The following TJP2 variants were observed in gnomAD, a reference collection of about 807,000 sequenced individuals.
The protein encoded by TJP2 is Friedreich ataxia region gene X104 (tight junction protein ZO-2).
A neutral mutation model predicts 133.1 loss-of-function variants in TJP2; 91 were observed. The ratio of observed to expected loss-of-function variants is 0.68; its 90% CI spans 0.58 to 0.81. The LOEUF is 0.81. Ranked by LOEUF, TJP2 falls within the 40% of genes least tolerant of loss-of-function variation. TJP2 has a pLI of 0.00. For missense variants in TJP2, 1,541 were observed against 1,565.6 expected (o/e 0.98, Z 0.26); for synonymous variants, 592 against 583.4 (o/e 1.01, Z -0.21).
chr9:69,222,647 T>C (rs1221496170), intron 5 of TJP2, among the ~76,000 whole-genome samples: 1 of 152,180 alleles, frequency 6.6e-6, no homozygotes, highest in African/African-American at 2.4e-5. Context: ...TGTGTCATCA[T>C]TGGAAGAGCC....
intron 4 of TJP2, 70 bp downstream of exon 4, chr9:69,218,429 C>T (rs763034854): frequency 2.0e-5 from 23 of 1,154,148 alleles, no homozygotes; most frequent in Non-Finnish European, 2.7e-5. Flanking sequence ...AAAATTACCC[C>T]TTGCTTTTAA....
upstream of TJP2, among the ~76,000 whole-genome samples, chr9:69,173,891 G>A (rs929092595): frequency 6.6e-6 from 1 of 152,132 alleles, no homozygotes; most frequent in South Asian, 2.1e-4. Context: ...TTCCCAGAGC[G>A]CGCGCGCTCG....
intron 1 of TJP2, among the ~76,000 whole-genome samples, chr9:69,175,631 G>T (rs1300854682): frequency 6.6e-6 from 1 of 152,184 alleles, no homozygotes; most frequent in Non-Finnish European, 1.5e-5. Context: ...ACGCAGATGA[G>T]CAAGAGCGTG....
intron 1 of TJP2, among the ~76,000 whole-genome samples, chr9:69,149,464 A>C (rs1823366737): frequency 6.6e-6 from 1 of 152,186 alleles, no homozygotes; most frequent in East Asian, 1.9e-4. Flanking sequence ...CTTTGCCTAC[A>C]TTTCCTGCTG....
chr9:69,251,667 G>C (rs1395611295), intron 21 of TJP2, among the ~76,000 whole-genome samples: 1 of 152,216 alleles, frequency 6.6e-6, no homozygotes, highest in Non-Finnish European at 1.5e-5. Context: ...GTTTTAATTA[G>C]AATGTGATTT....
intron 9 of TJP2, 60 bp from the exon 10 acceptor site, chr9:69,229,124 A>G: frequency 6.0e-6 from 9 of 1,503,904 alleles, no homozygotes; most frequent in African/African-American, 1.4e-5. Context: ...TGATTTTTCT[A>G]TTTAGAAACG....
intron 1 of TJP2, among the ~76,000 whole-genome samples, chr9:69,175,524 T>C (rs915555669): frequency 2.6e-5 from 4 of 152,234 alleles, no homozygotes; most frequent in Admixed American, 1.3e-4. Context: ...GTGGTAAATG[T>C]ATTTGTAGCA....
chr9:69,210,502 A>G (rs1292310645), intron 1 of TJP2, among the ~76,000 whole-genome samples: 1 of 152,170 alleles, frequency 6.6e-6, no homozygotes, highest in Non-Finnish European at 1.5e-5. Flanking sequence ...ATTTTTTAAA[A>G]TTGAAGAACA....
intron 1 of TJP2, among the ~76,000 whole-genome samples, chr9:69,136,557 G>C (rs1032286788): frequency 1.3e-5 from 2 of 152,130 alleles, no homozygotes; most frequent in African/African-American, 4.8e-5. Flanking sequence ...AAAAATAAAT[G>C]TAGATGATTT....
chr9:69,180,745 T>A (rs1436656967), intron 1 of TJP2, among the ~76,000 whole-genome samples: 1 of 152,212 alleles, frequency 6.6e-6, no homozygotes, highest in African/African-American at 2.4e-5. Flanking sequence ...AAGGAATGAA[T>A]CATTTGGAAG....
chr9:69,144,980 A>G (rs1477786454), intron 1 of TJP2, among the ~76,000 whole-genome samples: 1 of 152,222 alleles, frequency 6.6e-6, no homozygotes, highest in Non-Finnish European at 1.5e-5. Context: ...CAAAGCCAAG[A>G]GGAGACTTAA....
At position 69,221,469 on chromosome 9, in the gene TJP2, C is replaced by G. The variant is rs1455735937; in HGVS notation, c.925C>G (p.Leu309Val). The G allele has an allele frequency of 6.2e-7, 1 of 1,600,344 alleles. No homozygotes were observed. The highest frequency in any genetic ancestry group is 1.7e-5 in the Admixed American group (1 of 58,428). The change falls in exon 5 of 23, where the codon CTC (leucine) becomes GTC (valine). Residue 309 changes from leucine to valine, a missense_variant. By Grantham distance (32) the Leu-to-Val change is conservative. Coordinates refer to ENST00000377245, the MANE Select transcript of TJP2 (RefSeq NM_004817.4). ...GGGGCGGCCGGGGCCCATCGGGGTC[C>G]TCCTGATGAAAAGCAGAGCGAACGA... The part of the protein sequence containing the change: ...PRGRPGPIGV[L>V]LMKSRANEEY...
intron 20 of TJP2, among the ~76,000 whole-genome samples, chr9:69,250,429 A>C (rs1831248701): frequency 6.6e-6 from 1 of 152,212 alleles, no homozygotes; most frequent in African/African-American, 2.4e-5. Flanking sequence ...GATGAGAAGA[A>C]AGCCATAATT....
At chr9:69,237,801 C>T in intron 14 of TJP2, 77 bp from the exon 15 acceptor site, 1 of 1,016,784 alleles carries the variant, frequency 9.8e-7, no homozygotes, top group East Asian at 2.4e-5. Context: ...TTATCAAAAG[C>T]CCATACAATA....
intron 2 of TJP2, among the ~76,000 whole-genome samples, chr9:69,160,604 T>C (rs1298688285): frequency 6.6e-6 from 1 of 152,162 alleles, no homozygotes; most frequent in African/African-American, 2.4e-5. Flanking sequence ...TTCACTCAAC[T>C]TGAAAACATA....
intron 1 of TJP2, among the ~76,000 whole-genome samples, chr9:69,150,052 A>C (rs1369606382): frequency 2.0e-5 from 3 of 152,000 alleles, no homozygotes; most frequent in African/African-American, 7.2e-5. Context: ...TGAGAGGCTG[A>C]GGCAGGAAAA....
At chr9:69,140,531 A>G (rs184931077) in intron 1 of TJP2, among the ~76,000 whole-genome samples, 257 of 152,296 alleles carry the variant, frequency 1.7e-3, no homozygotes, top group Non-Finnish European at 2.8e-3. Context: ...CAACTGCTGT[A>G]TCTCAACACC....
Position 69,254,411 on chromosome 9 carries a change from G to A in TJP2, c.*37G>A, listed in dbSNP as rs374233417. On this transcript the variant is annotated 3_prime_UTR_variant, in exon 23 of 23. Transcript: ENST00000377245. ...CGGACTCTCCCAGGCCTGCCTGCAT[G>A]GCATCAGACTAGCCACTCCTGCCAG... The A allele has an allele frequency of 3.1e-6, 5 of 1,611,710 alleles. No individual in the cohort carries two copies. In the African/African-American group the frequency reaches 6.7e-5, roughly 22 times the overall value.
intron 1 of TJP2, among the ~76,000 whole-genome samples, chr9:69,143,016 A>G (rs1358413579): frequency 6.6e-6 from 1 of 152,244 alleles, no homozygotes; most frequent in African/African-American, 2.4e-5. Context: ...AACCTTATGT[A>G]TAATTATGAG....
Sources: allele counts gnomAD v4.1 joint callset (sites outside exome capture counted in the v4.1 genomes callset), GRCh38; gene constraint gnomAD v4.1.1; transcripts MANE v1.5; gene names NCBI Gene and HGNC (gene_info 2026-07-23, HGNC 2026-07-21).